Variants in ENPP2 observed in about 807,000 individuals in gnomAD.
ENPP2 encodes autotaxin.
ENPP2 carries 51 observed loss-of-function variants against 120.2 expected under a neutral mutation model. That is an observed-to-expected ratio of 0.42 (90% confidence interval 0.34 to 0.54). ENPP2 has a LOEUF of 0.54. Ranked by LOEUF, ENPP2 falls within the 20% of genes least tolerant of loss-of-function variation. The pLI is 0.04. For synonymous variants in ENPP2, 365 were observed against 366.4 expected (o/e 1.00, Z 0.04); for missense variants, 920 against 1,066.5 (o/e 0.86, Z 1.91).
chr8:119,662,119 C>T (rs1006129406), intron 1 of ENPP2, among the ~76,000 whole-genome samples: 2 of 152,096 alleles, frequency 1.3e-5, no homozygotes, highest in African/African-American at 2.4e-5. Context: ...TATTATACAG[C>T]ATGGTGACTA....
rs547674878 is a variant in ENPP2, at chr8:119,573,197, C to G, written c.1781-2356G>C. ...CAAAGGCGGGTGGATTGCTTAAGGT[C>G]AGGAGTTCAAGACTAGCTGGCCAAC... On this transcript the variant is annotated intron_variant, in intron 19 of 24. Coordinates refer to ENST00000075322, the MANE Select transcript of ENPP2 (RefSeq NM_001040092.3). 3 of 152,128 alleles carry G rather than the reference C, an allele frequency of 2.0e-5. No individual in the cohort carries two copies. The East Asian group carries it at 5.8e-4, about 29-fold the overall frequency. The allele number at this position is 152,128 out of a possible 1,614,324, so 9.4% of individuals were successfully genotyped here.
At chr8:119,672,831 C>T (rs1470745551) in intron 1 of ENPP2, among the ~76,000 whole-genome samples, 1 of 152,124 alleles carries the variant, frequency 6.6e-6, no homozygotes, top group East Asian at 1.9e-4. Flanking sequence ...TTAAAAATCC[C>T]CGTCCTTCTT....
chr8:119,562,385 G>T (rs2129929129), intron 24 of ENPP2, among the ~76,000 whole-genome samples: 1 of 152,310 alleles, frequency 6.6e-6, no homozygotes, highest in East Asian at 1.9e-4. Flanking sequence ...GAAGGTTGCA[G>T]TGAGCCAAGA....
intron 9 of ENPP2, among the ~76,000 whole-genome samples, chr8:119,605,468 T>TGTG (rs1587459221): frequency 5.1e-5 from 4 of 78,012 alleles, no homozygotes; most frequent in South Asian, 5.2e-4. Context: ...GTGTGTGTAT[T>TGTG]TTTTTTTTTG....
At chr8:119,634,334 T>G (rs1176766710) in intron 2 of ENPP2, among the ~76,000 whole-genome samples, 1 of 152,164 alleles carries the variant, frequency 6.6e-6, no homozygotes, top group Admixed American at 6.6e-5. Context: ...TCTAAACCAC[T>G]TAAATAGAAT....
rs758049996 is a variant in ENPP2 at position 119,586,322 on chromosome 8, G to C, written c.1240-9C>G. 1 of 1,612,914 alleles carries C rather than the reference G, an allele frequency of 6.2e-7. No individual in the cohort carries two copies. Among genetic ancestry groups the C allele is most frequent in the Admixed American group, 1.7e-5 (1 of 59,820 alleles). On this transcript the variant is annotated splice_polypyrimidine_tract_variant and intron_variant, in intron 14 of 24. Coordinates refer to ENST00000075322, the MANE Select transcript of ENPP2 (RefSeq NM_001040092.3). The stretch of plus-strand genomic sequence containing the variant: ...TGATCTGGTTTTTTACACTGAAATA[G>C]AAATGGAAATCAGACTTCAGATGGA...
At position 119,557,467 on chromosome 8, in the gene ENPP2, C is replaced by T. The variant is rs1203394515; in HGVS notation, c.*54G>A. On this transcript the variant is annotated 3_prime_UTR_variant, in exon 25 of 25. Transcript: ENST00000075322. ...GGTTTCAAATTAATAAATACAAAAA[C>T]AATATAAAAATATACAACCAGTTGA... 4 of 1,397,128 alleles carry T rather than the reference C, an allele frequency of 2.9e-6. No homozygotes were observed. The African/African-American group carries it at 4.4e-5, about 15-fold the overall frequency. The allele number at this position is 1,397,128 out of a possible 1,614,324, so 86.5% of individuals were successfully genotyped here.
In ENPP2 at chr8:119,582,505, T is replaced by G. The variant is rs1587385135; in HGVS notation, c.1641A>C (p.Glu547Asp). ...TCCCTGGATAATTGGGTCTGGTAAC[T>G]TCCTCTGGCATGGTTGGCCTGAAGG... is the stretch of plus-strand genomic sequence containing the variant. The part of the protein sequence containing the change: ...TNTFRPTMPE[E>D]VTRPNYPGIM... Residue 547 changes from glutamate to aspartate, a missense_variant, in exon 18 of 25, where the codon GAA becomes GAC. Glu to Asp is a conservative substitution (Grantham distance 45). Transcript: ENST00000075322. The G allele has an allele frequency of 2.5e-6, 4 of 1,614,084 alleles. No individual in the cohort carries two copies. In the East Asian group the frequency reaches 8.9e-5, roughly 36 times the overall value.
chr8:119,670,594 T>G (rs1818212118), intron 1 of ENPP2, among the ~76,000 whole-genome samples: 1 of 151,910 alleles, frequency 6.6e-6, no homozygotes, highest in Non-Finnish European at 1.5e-5. Context: ...CCCACAGAAA[T>G]AAAGGAAGCT....
intron 19 of ENPP2, chr8:119,571,947 A>G (rs1815025754): frequency 1.4e-5 from 6 of 441,698 alleles, no homozygotes; most frequent in South Asian, 3.7e-5. Flanking sequence ...GGCCCACACT[A>G]TTACAACACA....
chr8:119,612,179 A>T (rs1490780775), intron 8 of ENPP2, among the ~76,000 whole-genome samples: 3 of 152,212 alleles, frequency 2.0e-5, no homozygotes, highest in Non-Finnish European at 4.4e-5. Context: ...TTTGGAAGAA[A>T]AATAAGAGGC....
At chr8:119,569,188 A>G (rs1255315915) in intron 21 of ENPP2, 47 bp downstream of exon 21, 1 of 1,587,086 alleles carries the variant, frequency 6.3e-7, no homozygotes, top group South Asian at 1.1e-5. Flanking sequence ...AGATTGCACA[A>G]TGTGACATCC....
intron 19 of ENPP2, 82 bp from the exon 20 acceptor site, chr8:119,570,923 T>C: frequency 1.1e-6 from 1 of 870,566 alleles, no homozygotes; most frequent in Non-Finnish European, 1.7e-6. Context: ...AAGAGTCAAG[T>C]TACCTAAAAT....
At chr8:119,583,904 C>G (rs1812926251) in intron 16 of ENPP2, 58 bp downstream of exon 16, 2 of 1,439,896 alleles carry the variant, frequency 1.4e-6, no homozygotes, top group East Asian at 2.3e-5. Flanking sequence ...ACCACCATTA[C>G]TTATCCTTTC....
intron 13 of ENPP2, 58 bp from the exon 14 acceptor site, chr8:119,587,133 C>A: frequency 7.1e-7 from 1 of 1,410,960 alleles, no homozygotes; most frequent in South Asian, 1.2e-5. Flanking sequence ...CAAGAGAAAT[C>A]ATTTTTGCAG....
chr8:119,582,077 C>A (rs753677634), intron 18 of ENPP2, among the ~76,000 whole-genome samples: 12 of 152,198 alleles, frequency 7.9e-5, no homozygotes, highest in Non-Finnish European at 1.2e-4. Context: ...ACCTGTCTCC[C>A]GTCGGGACCA....
intron 9 of ENPP2, among the ~76,000 whole-genome samples, chr8:119,605,442 G>GTGTA (rs1814644430): frequency 6.7e-6 from 1 of 149,224 alleles, no homozygotes; most frequent in African/African-American, 2.5e-5. Context: ...GTGTGTGTGT[G>GTGTA]TGTGTGTGTG....
rs549500973 is a variant in ENPP2 at position 119,646,422 on chromosome 8, TG to T, written c.22-7896del. On this transcript the variant is annotated intron_variant, in intron 1 of 25. Coordinates refer to the ENPP2 transcript ENST00000427067. The stretch of plus-strand genomic sequence containing the variant: ...CTCATACCTACTGAATGAGAAACTC[TG>T]GGTTAAAGCCCAGAATCTGTTTTCG... Among the ~76,000 whole-genome samples the T allele has an allele frequency of 2.0e-4, 31 of 152,274 alleles. No homozygotes were observed. The East Asian group carries it at 4.4e-3, about 22-fold the overall frequency.
chr8:119,602,449 C>T (rs909470878), intron 9 of ENPP2, among the ~76,000 whole-genome samples: 7 of 118,412 alleles, frequency 5.9e-5, no homozygotes, highest in African/African-American at 2.6e-4. Context: ...AAGAGTGAAA[C>T]TCTGTCTCAA....
Sources: allele counts gnomAD v4.1 joint callset (sites outside exome capture counted in the v4.1 genomes callset), GRCh38; gene constraint gnomAD v4.1.1; transcripts MANE v1.5; gene names NCBI Gene and HGNC (gene_info 2026-07-23, HGNC 2026-07-21).